PID1: variants seen among roughly 807,000 people sequenced by gnomAD.
PID1 encodes the protein PTB-containing, cubilin and LRP1-interacting protein.
Under a neutral mutation model 19.1 loss-of-function variants are expected in PID1, and 10 were observed. That is an observed-to-expected ratio of 0.52 (90% confidence interval 0.32 to 0.89). PID1 has a LOEUF of 0.89. PID1 is among the 40% of genes least tolerant of loss of function. The pLI is 0.03. For synonymous variants in PID1, 130 were observed against 116.0 expected (o/e 1.12, Z -0.78); for missense variants, 248 against 285.3 (o/e 0.87, Z 0.94).
chr2:229,264,037 C>A (rs906696227), intron 1 of PID1, among the ~76,000 whole-genome samples: 1 of 152,120 alleles, frequency 6.6e-6, no homozygotes, highest in Non-Finnish European at 1.5e-5. Flanking sequence ...CCAATAAAAC[C>A]CAATTAAATG....
chr2:229,185,213 A>C (rs1691101744), intron 1 of PID1, among the ~76,000 whole-genome samples: 1 of 151,684 alleles, frequency 6.6e-6, no homozygotes, highest in Admixed American at 6.6e-5. Context: ...AAACTAACAC[A>C]CATCCTATCT....
At chr2:229,119,369 C>A (rs1369326951) in intron 2 of PID1, among the ~76,000 whole-genome samples, 1 of 152,070 alleles carries the variant, frequency 6.6e-6, no homozygotes, top group Non-Finnish European at 1.5e-5. Flanking sequence ...TCTACCATAC[C>A]CTTCATTTCT....
At chr2:229,232,023 C>T in intron 1 of PID1, 1 of 1,549,958 alleles carries the variant, frequency 6.5e-7, no homozygotes, top group Non-Finnish European at 8.7e-7. Context: ...TGTGTCCTCA[C>T]ACAGTGGAAG....
intron 1 of PID1, among the ~76,000 whole-genome samples, chr2:229,166,313 C>A (rs10171031): frequency 0.36 from 44,653 of 124,012 alleles, 7,091 homozygotes; most frequent in Non-Finnish European, 0.45. Context: ...TAGTGAGGAA[C>A]GAAGAGAGGA....
chr2:229,195,342 C>T (rs577342609), intron 1 of PID1, among the ~76,000 whole-genome samples: 9 of 151,306 alleles, frequency 5.9e-5, no homozygotes, highest in East Asian at 3.9e-4. Context: ...AGTATATATA[C>T]ACACACACAC....
At position 229,051,567 on chromosome 2, in the gene PID1, A is replaced by G. The variant is rs1465423239; in HGVS notation, c.178-25459T>C. Among the ~76,000 whole-genome samples, 4 of 152,130 alleles carry G rather than the reference A, an allele frequency of 2.6e-5. No homozygotes were observed. The East Asian group carries it at 7.7e-4, about 29-fold the overall frequency. On this transcript the variant is annotated intron_variant, in intron 2 of 2. Transcript: ENST00000392055. ...TGCCCAGGCTGGTCTCGAACTCCAGAGCCCAAGCGATCTGCTTGCCTCGGC... is the reference window on the plus strand; with the variant it reads ...TGCCCAGGCTGGTCTCGAACTCCAGGGCCCAAGCGATCTGCTTGCCTCGGC...
chr2:229,184,413 TCCCGTATATATATAG>T lies in PID1; in HGVS notation c.31-28464_31-28450del, dbSNP rs1691049035. On this transcript the variant is annotated intron_variant, in intron 1 of 2. Transcript: ENST00000392055. The stretch of plus-strand genomic sequence containing the variant: ...TATATATCTATCCCGTATATATCTA[TCCCGTATATATATAG>T]CCCGTATATATATATAGCCCGTATA... Among the ~76,000 whole-genome samples, 2 of 80,126 alleles carry T rather than the reference TCCCGTATATATATAG, an allele frequency of 2.5e-5. 1 individual carries two copies. Among genetic ancestry groups the T allele is most frequent in the South Asian group, 7.2e-4 (2 of 2,796 alleles). The allele number at this position is 80,126 out of a possible 152,430, so 52.6% of individuals were successfully genotyped here.
intron 2 of PID1, among the ~76,000 whole-genome samples, chr2:229,148,461 T>G (rs1306200230): frequency 6.6e-6 from 1 of 152,088 alleles, no homozygotes; most frequent in Non-Finnish European, 1.5e-5. Context: ...GAATGAGCAC[T>G]GGACAGGGTG....
chr2:229,128,477 G>T (rs976604399), intron 2 of PID1, among the ~76,000 whole-genome samples: 2 of 152,006 alleles, frequency 1.3e-5, no homozygotes, highest in Non-Finnish European at 2.9e-5. Context: ...GACTTTTGTT[G>T]CTTTGATACG....
chr2:229,162,164 T>C (rs1690504136), intron 1 of PID1, among the ~76,000 whole-genome samples: 1 of 152,226 alleles, frequency 6.6e-6, no homozygotes, highest in Non-Finnish European at 1.5e-5. Flanking sequence ...GCTTTCTGCA[T>C]TGGGTGTTTT....
chr2:229,165,381 C>T (rs1690576829), intron 1 of PID1, among the ~76,000 whole-genome samples: 1 of 152,138 alleles, frequency 6.6e-6, no homozygotes, highest in South Asian at 2.1e-4. Context: ...AGGCAGACCG[C>T]TTAAGCTCAG....
At chr2:229,139,438 G>T (rs1689966253) in intron 2 of PID1, among the ~76,000 whole-genome samples, 1 of 152,088 alleles carries the variant, frequency 6.6e-6, no homozygotes, top group Admixed American at 6.6e-5. Flanking sequence ...CAGAATCTAA[G>T]ATTTTCCATA....
At chr2:229,262,870 C>T (rs1003932618) in intron 1 of PID1, 11 of 1,534,688 alleles carry the variant, frequency 7.2e-6, no homozygotes, top group East Asian at 2.5e-5. Flanking sequence ...TTCTCTGTGC[C>T]GCTTCTGTGT....
intron 2 of PID1, among the ~76,000 whole-genome samples, chr2:229,111,095 T>C (rs1332389291): frequency 6.6e-6 from 1 of 152,238 alleles, no homozygotes. Context: ...TCTGCTGCCA[T>C]GGAAGACTTG....
chr2:229,142,507 G>T (rs1690036849), intron 2 of PID1, among the ~76,000 whole-genome samples: 1 of 152,094 alleles, frequency 6.6e-6, no homozygotes, highest in Admixed American at 6.6e-5. Flanking sequence ...CCAAGATATG[G>T]CAGTTTTAGA....
intron 1 of PID1, among the ~76,000 whole-genome samples, chr2:229,195,223 A>C (rs114073661): frequency 0.019 from 2,866 of 151,928 alleles, 74 homozygotes; most frequent in African/African-American, 0.064. Context: ...TCTAGTTTCT[A>C]TACCAGTCCC....
chr2:229,255,886 C>T (rs1015463090), intron 1 of PID1, among the ~76,000 whole-genome samples: 4 of 152,170 alleles, frequency 2.6e-5, no homozygotes, highest in African/African-American at 7.2e-5. Flanking sequence ...AAAACTCCAT[C>T]GCACAGCTCT....
At chr2:229,175,163 G>T (rs550558588) in intron 1 of PID1, among the ~76,000 whole-genome samples, 2 of 152,114 alleles carry the variant, frequency 1.3e-5, no homozygotes, top group African/African-American at 4.8e-5. Flanking sequence ...AAAAGTTCTT[G>T]TTTTTTTGAG....
Position 229,026,035 on chromosome 2 carries a change from T to A in PID1, c.251A>T (p.Glu84Val). 5.6e-6 allele frequency: 9 copies of A among 1,614,194 alleles called. No individual in the cohort carries two copies. Among genetic ancestry groups the A allele is most frequent in the Non-Finnish European group, 7.6e-6 (9 of 1,180,018 alleles). ...GGCTAGCGTGTGCTTCTTCCAGAGC[T>A]CAATGACTGGCTTTTCTGTGCAGCC... ...LSGCTEKPVI[E>V]LWKKHTLARE... Residue 84 changes from glutamate (E) to valine (V), a missense_variant, in exon 3 of 3, where the codon GAG (glutamate) becomes GTG (valine). By Grantham distance (121) the Glu-to-Val change is moderately radical. Coordinates refer to ENST00000392055, the MANE Select transcript of PID1 (RefSeq NM_001100818.2).
Sources: gnomAD v4.1 joint callset for allele counts (sites outside exome capture counted in the v4.1 genomes callset) on GRCh38, gnomAD v4.1.1 for gene constraint, MANE v1.5 for transcripts, NCBI Gene and HGNC (gene_info 2026-07-23, HGNC 2026-07-21) for gene names.